DTNB: variants seen among roughly 807,000 people sequenced by gnomAD.
DTNB encodes the protein dystrobrevin beta, also known as DTN-B.
A neutral mutation model predicts 90.7 loss-of-function variants in DTNB; 63 were observed. That is an observed-to-expected ratio of 0.69 (90% confidence interval 0.57 to 0.86). The LOEUF is 0.86. Among genes scored for constraint, DTNB ranks in the 40% least tolerant of loss-of-function variants. DTNB has a pLI of 0.00. For missense variants in DTNB, 744 were observed against 807.1 expected (o/e 0.92, Z 0.95); for synonymous variants, 277 against 286.7 (o/e 0.97, Z 0.34).
intron 4 of DTNB, among the ~76,000 whole-genome samples, chr2:25,620,079 G>A (rs2072080741): frequency 6.6e-6 from 1 of 152,098 alleles, no homozygotes; most frequent in African/African-American, 2.4e-5. Flanking sequence ...TGAATTCTCA[G>A]AAATAGAAAA....
chr2:25,621,148 G>A (rs1284605325), intron 4 of DTNB, among the ~76,000 whole-genome samples: 1 of 152,120 alleles, frequency 6.6e-6, no homozygotes, highest in Non-Finnish European at 1.5e-5. Flanking sequence ...AAACAAGCAG[G>A]GATGTAAATA....
rs371116808 is a variant in DTNB, at chr2:25,379,277, T to C, written c.*29+13A>G. ...GAGGGGCCGTGGGGAGGCAGAGGAC[T>C]CTTTGTACTCACCTGAGCTTCCTCT... On this transcript the variant is annotated intron_variant, in intron 20 of 20. Coordinates refer to ENST00000406818, the MANE Select transcript of DTNB (RefSeq NM_021907.5). 58 of 1,332,070 alleles carry C rather than the reference T, an allele frequency of 4.4e-5. No individual in the cohort carries two copies. Among genetic ancestry groups the C allele is most frequent in the Non-Finnish European group, 4.8e-5 (50 of 1,033,114 alleles). The allele number at this position is 1,332,070 out of a possible 1,614,324, so 82.5% of individuals were successfully genotyped here.
rs886599596 is a variant in DTNB, at chr2:25,611,510, G to A, written c.363-4189C>T. On this transcript the variant is annotated intron_variant, in intron 4 of 20. Coordinates refer to ENST00000406818, the MANE Select transcript of DTNB (RefSeq NM_021907.5). Reference sequence around the variant, plus strand: ...CACGGATATTCAAGTCCCCTCTAGAGTTGGCCCTCCATATCCATGGGTGTC... The same window carrying A: ...CACGGATATTCAAGTCCCCTCTAGAATTGGCCCTCCATATCCATGGGTGTC... Among the ~76,000 whole-genome samples the A allele has an allele frequency of 2.0e-5, 3 of 152,188 alleles. No homozygotes were observed. In the East Asian group the frequency reaches 5.8e-4, roughly 29 times the overall value.
chr2:25,586,780 G>A (rs1414069407), intron 6 of DTNB, among the ~76,000 whole-genome samples: 1 of 152,140 alleles, frequency 6.6e-6, no homozygotes, highest in Non-Finnish European at 1.5e-5. Context: ...GAGACAGAAA[G>A]TCAGGGGTTA....
chr2:25,623,557 T>G (rs1273598059), intron 4 of DTNB, among the ~76,000 whole-genome samples: 1 of 152,132 alleles, frequency 6.6e-6, no homozygotes, highest in African/African-American at 2.4e-5. Context: ...GGTCCTCACA[T>G]GTACTGATTA....
At chr2:25,569,401 T>G (rs1363112075) in intron 8 of DTNB, among the ~76,000 whole-genome samples, 1 of 152,182 alleles carries the variant, frequency 6.6e-6, no homozygotes, top group Non-Finnish European at 1.5e-5. Context: ...CAAAAATTAA[T>G]ATTTAGTTAC....
At chr2:25,617,301 G>A (rs549565943) in intron 4 of DTNB, among the ~76,000 whole-genome samples, 2 of 152,198 alleles carry the variant, frequency 1.3e-5, no homozygotes, top group Non-Finnish European at 1.5e-5. Flanking sequence ...TGAGATTAAG[G>A]ATCATAGTAA....
chr2:25,473,342 T>A (rs1221440009), intron 10 of DTNB, among the ~76,000 whole-genome samples: 1 of 152,252 alleles, frequency 6.6e-6, no homozygotes, highest in Non-Finnish European at 1.5e-5. Context: ...GTTTGTTCTG[T>A]GTGCCAGGCT....
intron 10 of DTNB, among the ~76,000 whole-genome samples, chr2:25,476,105 G>A (rs971436351): frequency 2.7e-4 from 37 of 137,342 alleles, no homozygotes; most frequent in Non-Finnish European, 2.6e-4. Context: ...TTTCGCTCTT[G>A]TCACCTAGGC....
intron 7 of DTNB, among the ~76,000 whole-genome samples, chr2:25,578,746 G>A (rs1198913344): frequency 6.6e-6 from 1 of 152,062 alleles, no homozygotes; most frequent in Non-Finnish European, 1.5e-5. Context: ...TAGTTACCTT[G>A]TTATATACCT....
intron 12 of DTNB, among the ~76,000 whole-genome samples, chr2:25,448,581 G>A (rs546522882): frequency 8.7e-4 from 132 of 152,086 alleles, no homozygotes; most frequent in African/African-American, 2.9e-3. Flanking sequence ...ATTGACGGGC[G>A]CGGTGGCTCA....
chr2:25,389,357 G>T (rs1308126511), intron 16 of DTNB, among the ~76,000 whole-genome samples: 1 of 152,252 alleles, frequency 6.6e-6, no homozygotes, highest in Non-Finnish European at 1.5e-5. Context: ...CGGGGCCATG[G>T]GGCCAGTCAT....
At chr2:25,613,161 C>T (rs2069115105) in intron 4 of DTNB, among the ~76,000 whole-genome samples, 2 of 152,074 alleles carry the variant, frequency 1.3e-5, no homozygotes, top group Non-Finnish European at 2.9e-5. Flanking sequence ...GTTGCCCAGG[C>T]TGGTCTCGAA....
At chr2:25,543,539 A>G (rs2081782965) in intron 8 of DTNB, among the ~76,000 whole-genome samples, 1 of 152,090 alleles carries the variant, frequency 6.6e-6, no homozygotes, top group Non-Finnish European at 1.5e-5. Flanking sequence ...CCTGACCTCA[A>G]GTGATCTGCC....
chr2:25,419,438 G>C (rs376584747), intron 16 of DTNB, 77 bp downstream of exon 16: 88 of 1,547,420 alleles, frequency 5.7e-5, no homozygotes, highest in Non-Finnish European at 7.5e-5. Flanking sequence ...GGGGAGAAGA[G>C]GAGAAACATT....
chr2:25,634,395 C>G (rs1300723021), intron 3 of DTNB, among the ~76,000 whole-genome samples: 1 of 110,230 alleles, frequency 9.1e-6, no homozygotes, highest in Non-Finnish European at 2.0e-5. Flanking sequence ...GGGGGTCAGC[C>G]CCCCCGCCCG....
At chr2:25,525,472 A>G (rs1420606000) in intron 9 of DTNB, among the ~76,000 whole-genome samples, 1 of 152,076 alleles carries the variant, frequency 6.6e-6, no homozygotes, top group Non-Finnish European at 1.5e-5. Context: ...CCCCACCTCT[A>G]CCAAAAATAT....
chr2:25,437,588 T>A lies in DTNB; in HGVS notation c.1258-3593A>T, dbSNP rs74378641. ...TTATTTACAATCTTAAACACCATAG[T>A]GCTCATTAAGAAGAAGAAGAAGAAA... On this transcript the variant is annotated intron_variant, in intron 12 of 20. Transcript: ENST00000406818. Among the ~76,000 whole-genome samples, 13 of 152,138 alleles carry A rather than the reference T, an allele frequency of 8.5e-5. No homozygotes were observed. The East Asian group carries it at 2.3e-3, about 27-fold the overall frequency.
At chr2:25,490,563 T>C (rs1393108133) in intron 9 of DTNB, among the ~76,000 whole-genome samples, 2 of 152,154 alleles carry the variant, frequency 1.3e-5, no homozygotes, top group Admixed American at 6.5e-5. Context: ...TAACAAATAT[T>C]CAGGAAGTGT....
Sources: allele counts gnomAD v4.1 joint callset (sites outside exome capture counted in the v4.1 genomes callset), GRCh38; gene constraint gnomAD v4.1.1; transcripts MANE v1.5; gene names NCBI Gene and HGNC (gene_info 2026-07-23, HGNC 2026-07-21).